GANC: variants seen among roughly 807,000 people sequenced by gnomAD.
The protein encoded by GANC is neutral alpha-glucosidase C.
In GANC, 117 loss-of-function variants were observed where a neutral mutation model predicts 124.2. The ratio of observed to expected loss-of-function variants is 0.94; its 90% CI spans 0.81 to 1.10. The LOEUF (loss-of-function observed/expected upper bound fraction) is 1.10. GANC is among the 50% of genes least tolerant of loss of function. The probability of loss-of-function intolerance (pLI) is 0.00; values close to 1 mark genes in which losing one functional copy is unlikely to be tolerated. For missense variants in GANC, 1,140 were observed against 1,095.0 expected, an observed-to-expected ratio of 1.04 and a Z score of -0.58; for synonymous variants, 377 against 376.8, an observed-to-expected ratio of 1.00 and a Z score of -0.01.
chr15:42,351,883 T>G, intron 23 of GANC, 147 bp from the exon 24 acceptor site: 2 of 998,492 alleles, frequency 2.0e-6, no homozygotes, highest in Non-Finnish European at 2.9e-6. Flanking sequence ...TAAAACTTCA[T>G]GGAAGTTCAT....
chr15:42,343,114 A>G lies in GANC; in HGVS notation c.2189A>G (p.Lys730Arg), dbSNP rs763752010. ...TTGGTTCATCCAGTCACAGAACCAAAAGCCACCACAGTTGATGTGTTTCTT... is the reference window on the plus strand; with the variant it reads ...TTGGTTCATCCAGTCACAGAACCAAGAGCCACCACAGTTGATGTGTTTCTT... ...ALLVHPVTEP[K>R]ATTVDVFLPG... Residue 730 changes from lysine to arginine, a missense_variant, in exon 19 of 24, where the codon AAA (lysine) becomes AGA (arginine). Coordinates refer to ENST00000318010, the MANE Select transcript of GANC (RefSeq NM_198141.3). 1 of 1,614,124 alleles carries G rather than the reference A, an allele frequency of 6.2e-7. No homozygotes were observed. Among genetic ancestry groups the G allele is most frequent in the Non-Finnish European group, 8.5e-7 (1 of 1,179,990 alleles).
At position 42,326,487 on chromosome 15, in the gene GANC, G is replaced by T. The variant is rs949476747; in HGVS notation, c.1420+63G>T. The T allele has an allele frequency of 1.9e-6, 3 of 1,606,942 alleles. No individual in the cohort carries two copies. In the East Asian group the frequency reaches 6.7e-5, roughly 36 times the overall value. ...TTCTGTCCCAATTAATGAAGGCTGCGTGGTCATCATTCTGCTCCCTTGTAG... is the reference window on the plus strand; with the variant it reads ...TTCTGTCCCAATTAATGAAGGCTGCTTGGTCATCATTCTGCTCCCTTGTAG... On this transcript the variant is annotated intron_variant, in intron 12 of 23. Coordinates refer to ENST00000318010, the MANE Select transcript of GANC (RefSeq NM_198141.3).
At chr15:42,344,143 C>G (rs1034561064) in intron 19 of GANC, among the ~76,000 whole-genome samples, 1 of 152,218 alleles carries the variant, frequency 6.6e-6, no homozygotes, top group Non-Finnish European at 1.5e-5. Context: ...TTTGGTTGTT[C>G]TTTTAGTTTC....
At chr15:42,304,777 A>G (rs2051977548) in intron 6 of GANC, among the ~76,000 whole-genome samples, 1 of 152,216 alleles carries the variant, frequency 6.6e-6, no homozygotes, top group East Asian at 1.9e-4. Context: ...ATGTAGACCA[A>G]TGGAACAGAA....
chr15:42,273,310 C>A lies in GANC; in HGVS notation c.-1172C>A. On this transcript the variant is annotated 5_prime_UTR_variant, in exon 1 of 24. Transcript: ENST00000318010. ...GTCGGCAGCAGCTACGGTTGCCGGT[C>A]CCGCACTGAAAAACGACAGTGGTGA... 1 of 1,614,154 alleles carries A rather than the reference C, an allele frequency of 6.2e-7. No individual in the cohort carries two copies. The highest frequency in any genetic ancestry group is 8.5e-7 in the Non-Finnish European group (1 of 1,180,042).
intron 20 of GANC, among the ~76,000 whole-genome samples, chr15:42,346,119 C>T (rs192479205): frequency 2.0e-5 from 3 of 152,180 alleles, no homozygotes; most frequent in Admixed American, 6.5e-5. Context: ...CTGTTCCTGT[C>T]GTTTCAGGAC....
chr15:42,347,849 A>T (rs2052379430), intron 20 of GANC, among the ~76,000 whole-genome samples: 1 of 152,196 alleles, frequency 6.6e-6, no homozygotes, highest in African/African-American at 2.4e-5. Context: ...CAGCAAAGAC[A>T]GGTATAGATA....
At chr15:42,319,163 G>A (rs1179186581) in intron 10 of GANC, among the ~76,000 whole-genome samples, 1 of 151,790 alleles carries the variant, frequency 6.6e-6, no homozygotes, top group Non-Finnish European at 1.5e-5. Flanking sequence ...TCCTCTGATG[G>A]TTCCTTGGTT....
rs151111172 is a variant in GANC, at chr15:42,343,119, A to G, written c.2194A>G (p.Thr732Ala). The G allele has an allele frequency of 2.5e-6, 4 of 1,614,124 alleles. No homozygotes were observed. In the African/African-American group the frequency reaches 5.3e-5, roughly 22 times the overall value. ...LVHPVTEPKA[T>A]TVDVFLPGSN... is the part of the protein sequence containing the mutation. The stretch of plus-strand genomic sequence containing the variant: ...TCATCCAGTCACAGAACCAAAAGCC[A>G]CCACAGTTGATGTGTTTCTTCCAGG... The change falls in exon 19 of 24, where the codon ACC becomes GCC. Residue 732 changes from threonine (T) to alanine (A), a missense_variant. By Grantham distance (58) the Thr-to-Ala change is moderately conservative (BLOSUM62 0). Transcript: ENST00000318010.
intron 5 of GANC, among the ~76,000 whole-genome samples, chr15:42,296,261 A>G (rs1312525803): frequency 6.6e-6 from 1 of 152,096 alleles, no homozygotes; most frequent in Non-Finnish European, 1.5e-5. Context: ...TCTGTCTGAA[A>G]TTAATATATC....
rs542381079 is a variant in GANC at position 42,307,936 on chromosome 15, T to C, written c.626-286T>C. On this transcript the variant is annotated intron_variant, in intron 7 of 23. Coordinates refer to ENST00000318010, the MANE Select transcript of GANC (RefSeq NM_198141.3). Reference sequence around the variant, plus strand: ...TCTAAAACTTTGTAATGATGTTTTATATAGAGACGAGATTTACTGTGAAGA... The same window carrying C: ...TCTAAAACTTTGTAATGATGTTTTACATAGAGACGAGATTTACTGTGAAGA... 1.8e-4 allele frequency among the ~76,000 whole-genome samples: 27 copies of C among 152,340 alleles called. 1 individual carries two copies. The highest frequency in any genetic ancestry group is 7.7e-4 in the East Asian group (4 of 5,178).
At position 42,273,589 on chromosome 15, in the gene GANC, A is replaced by C; in HGVS notation, c.-893A>C. 1 of 975,270 alleles carries C rather than the reference A, an allele frequency of 1.0e-6. No homozygotes were observed. The highest frequency in any genetic ancestry group is 1.5e-6 in the Non-Finnish European group (1 of 678,512). 60.4% of individuals were successfully genotyped at this position (975,270 alleles called of 1,614,324 possible). A position where few individuals can be genotyped will look rare whatever the true frequency, so the allele number is the denominator to read the frequency against. On this transcript the variant is annotated 5_prime_UTR_variant, in exon 1 of 24. Transcript: ENST00000318010. ...CCGTGAGACTTTGGACCTACTGCGC[A>C]GGCGTCATCCTGTTGGAACCTGGTC...
intron 19 of GANC, chr15:42,344,859 G>C (rs370427315): frequency 6.6e-6 from 1 of 152,156 alleles, no homozygotes; most frequent in South Asian, 2.1e-4. Flanking sequence ...CTCCCTTTCC[G>C]ACTTAGTCAC....
chr15:42,289,996 C>T (rs1272272512), intron 4 of GANC, among the ~76,000 whole-genome samples: 1 of 152,162 alleles, frequency 6.6e-6, no homozygotes, highest in Non-Finnish European at 1.5e-5. Context: ...TCACAAGAAA[C>T]TCAACTTTCT....
Position 42,340,748 on chromosome 15 carries a change from A to G in GANC, c.2146A>G (p.Met716Val). 1.9e-6 allele frequency: 3 copies of G among 1,588,422 alleles called. No individual in the cohort carries two copies. Among genetic ancestry groups the G allele is most frequent in the Admixed American group, 1.7e-5 (1 of 58,060 alleles). Residue 716 changes from methionine (M) to valine (V), a missense_variant, in exon 18 of 24, where the codon ATG becomes GTG. By Grantham distance (21) the Met-to-Val change is conservative. Coordinates refer to ENST00000318010, the MANE Select transcript of GANC (RefSeq NM_198141.3). Reference sequence around the variant, plus strand: ...GACTTTTGATATGGAAGATGAATACATGCTGGGTGAGCATTTCTGTTTTTT... The same window carrying G: ...GACTTTTGATATGGAAGATGAATACGTGCTGGGTGAGCATTTCTGTTTTTT... ...LKTFDMEDEY[M>V]LGSALLVHPV...
At chr15:42,333,011 T>A (rs1256313071) in intron 15 of GANC, among the ~76,000 whole-genome samples, 1 of 128,482 alleles carries the variant, frequency 7.8e-6, no homozygotes, top group Non-Finnish European at 1.7e-5. Flanking sequence ...AGAGCAAAAC[T>A]CTGTCTCAAA....
intron 20 of GANC, among the ~76,000 whole-genome samples, chr15:42,346,084 T>C (rs2052360643): frequency 6.6e-6 from 1 of 152,196 alleles, no homozygotes; most frequent in East Asian, 1.9e-4. Context: ...GAAGGTGCTG[T>C]CTCAGTTTTC....
intron 20 of GANC, among the ~76,000 whole-genome samples, chr15:42,346,426 A>G (rs1048165177): frequency 2.0e-5 from 3 of 152,154 alleles, no homozygotes; most frequent in African/African-American, 7.2e-5. Flanking sequence ...AAAATGCTTT[A>G]AAATTGAGTG....
intron 10 of GANC, among the ~76,000 whole-genome samples, chr15:42,317,322 A>G (rs1262660008): frequency 6.6e-6 from 1 of 152,264 alleles, no homozygotes; most frequent in Non-Finnish European, 1.5e-5. Context: ...AAGGACAAGT[A>G]TTATATAATC....
Sources: allele counts gnomAD v4.1 joint callset (sites outside exome capture counted in the v4.1 genomes callset), GRCh38; gene constraint gnomAD v4.1.1; transcripts MANE v1.5; gene names NCBI Gene and HGNC (gene_info 2026-07-23, HGNC 2026-07-21).